Variants in FGF12 observed in about 807,000 individuals in gnomAD.
FGF12 encodes fibroblast growth factor 12, also known as fibroblast growth factor 12B.
A neutral mutation model predicts 23.6 loss-of-function variants in FGF12; 14 were observed. The observed-to-expected ratio is 0.59, with a 90% CI of 0.39 to 0.93. The LOEUF (loss-of-function observed/expected upper bound fraction) is 0.93. FGF12 is among the 40% of genes least tolerant of loss of function. The probability of loss-of-function intolerance (pLI) is 0.00; values close to 1 mark genes in which losing one functional copy is unlikely to be tolerated. For missense variants in FGF12, 175 were observed against 217.8 expected, an observed-to-expected ratio of 0.80 and a Z score of 1.24; for synonymous variants, 62 against 77.3, an observed-to-expected ratio of 0.80 and a Z score of 1.04.
chr3:192,220,931 G>T (rs1287503921), intron 4 of FGF12, among the ~76,000 whole-genome samples: 1 of 152,118 alleles, frequency 6.6e-6, no homozygotes, highest in Non-Finnish European at 1.5e-5. Flanking sequence ...TTTATTAGAT[G>T]AAATGAGACA....
chr3:192,607,622 T>C (rs966932001), intron 2 of FGF12, among the ~76,000 whole-genome samples: 1 of 152,150 alleles, frequency 6.6e-6, no homozygotes, highest in African/African-American at 2.4e-5. Context: ...TAAAAGGTTT[T>C]CTTCATTTCT....
chr3:192,291,200 T>C (rs1217521357), intron 4 of FGF12, among the ~76,000 whole-genome samples: 1 of 152,224 alleles, frequency 6.6e-6, no homozygotes, highest in Non-Finnish European at 1.5e-5. Context: ...GATATATGTG[T>C]ATATATTTTT....
At chr3:192,554,904 A>G (rs1711698036) in intron 2 of FGF12, among the ~76,000 whole-genome samples, 1 of 152,156 alleles carries the variant, frequency 6.6e-6, no homozygotes, top group African/African-American at 2.4e-5. Context: ...AAAATTTACT[A>G]GAGGGGTTCA....
At chr3:192,341,515 C>G (rs1560077397) in intron 3 of FGF12, among the ~76,000 whole-genome samples, 1 of 152,026 alleles carries the variant, frequency 6.6e-6, no homozygotes, top group African/African-American at 2.4e-5. Flanking sequence ...AAAATTTAAA[C>G]TGTTGTGGTA....
At chr3:192,421,005 T>C (rs1409228228) in intron 2 of FGF12, among the ~76,000 whole-genome samples, 1 of 152,114 alleles carries the variant, frequency 6.6e-6, no homozygotes, top group East Asian at 1.9e-4. Flanking sequence ...AATAAAATGC[T>C]ACAAAACACA....
intron 2 of FGF12, among the ~76,000 whole-genome samples, chr3:192,416,554 A>T (rs1721358441): frequency 6.6e-6 from 1 of 152,136 alleles, no homozygotes; most frequent in Non-Finnish European, 1.5e-5. Context: ...GTTTGTATGG[A>T]GGAAATACAG....
chr3:192,480,156 C>T lies in FGF12; in HGVS notation c.14-119618G>A, dbSNP rs536840741. ...AAAGAAAGGGAATTACAGAATCTAACGACAACTGAAACAATTTCAGTGCTA... is the reference window on the plus strand; with the variant it reads ...AAAGAAAGGGAATTACAGAATCTAATGACAACTGAAACAATTTCAGTGCTA... On this transcript the variant is annotated intron_variant, in intron 2 of 5. Coordinates refer to ENST00000445105, the MANE Select transcript of FGF12 (RefSeq NM_004113.6). 3.9e-5 allele frequency among the ~76,000 whole-genome samples: 6 copies of T among 152,174 alleles called. No individual in the cohort carries two copies. The South Asian group carries it at 6.2e-4, about 16-fold the overall frequency.
intron 2 of FGF12, among the ~76,000 whole-genome samples, chr3:192,705,773 C>T (rs1177506203): frequency 6.6e-6 from 1 of 152,076 alleles, no homozygotes; most frequent in Non-Finnish European, 1.5e-5. Context: ...CTTCAATATG[C>T]GACGCATGCA....
chr3:192,513,625 C>A (rs1203806821), intron 2 of FGF12, among the ~76,000 whole-genome samples: 1 of 152,076 alleles, frequency 6.6e-6, no homozygotes, highest in African/African-American at 2.4e-5. Flanking sequence ...TCAGACTCTC[C>A]AAAATAACAT....
chr3:192,272,020 G>A (rs886868368), intron 4 of FGF12, among the ~76,000 whole-genome samples: 12 of 152,210 alleles, frequency 7.9e-5, no homozygotes, highest in African/African-American at 2.9e-4. Flanking sequence ...GGTTTTCTGG[G>A]AAGACAGGAG....
chr3:192,536,883 G>A (rs182883444), intron 2 of FGF12, among the ~76,000 whole-genome samples: 7 of 150,892 alleles, frequency 4.6e-5, no homozygotes, highest in Admixed American at 6.6e-5. Flanking sequence ...TTCTGCTATC[G>A]AATACTAGAT....
At chr3:192,313,200 A>G (rs1716049379) in intron 4 of FGF12, among the ~76,000 whole-genome samples, 1 of 152,164 alleles carries the variant, frequency 6.6e-6, no homozygotes, top group Non-Finnish European at 1.5e-5. Context: ...TTCTCCCAAT[A>G]TGGGAGATGG....
chr3:192,167,209 C>G (rs1311197294), intron 5 of FGF12, among the ~76,000 whole-genome samples: 1 of 150,790 alleles, frequency 6.6e-6, no homozygotes, highest in Non-Finnish European at 1.5e-5. Flanking sequence ...TTCTTTACAC[C>G]TAAGTGTGAC....
intron 4 of FGF12, among the ~76,000 whole-genome samples, chr3:192,260,097 T>A (rs1189958072): frequency 6.6e-6 from 1 of 152,112 alleles, no homozygotes; most frequent in East Asian, 1.9e-4. Context: ...TACGATAATA[T>A]CAATAACCTC....
chr3:192,477,226 T>C (rs145107854), intron 2 of FGF12, among the ~76,000 whole-genome samples: 1 of 152,194 alleles, frequency 6.6e-6, no homozygotes, highest in Non-Finnish European at 1.5e-5. Context: ...GAATAAAGAC[T>C]GACTTTGCTT....
chr3:192,349,114 C>T (rs12108079), intron 3 of FGF12, among the ~76,000 whole-genome samples: 2,360 of 152,098 alleles, frequency 0.016, 56 homozygotes, highest in African/African-American at 0.051. Flanking sequence ...ATAATTTATA[C>T]CTTATTTAGC....
At chr3:192,278,689 A>T (rs1407873764) in intron 4 of FGF12, among the ~76,000 whole-genome samples, 1 of 152,184 alleles carries the variant, frequency 6.6e-6, no homozygotes, top group Non-Finnish European at 1.5e-5. Context: ...AAAGTGGAAA[A>T]CCAAGAGCTG....
At chr3:192,325,332 A>G (rs987485112) in intron 4 of FGF12, among the ~76,000 whole-genome samples, 1 of 152,208 alleles carries the variant, frequency 6.6e-6, no homozygotes, top group African/African-American at 2.4e-5. Flanking sequence ...AATCACGAGC[A>G]TATGAGAAGA....
chr3:192,249,211 G>A (rs988963848), intron 4 of FGF12, among the ~76,000 whole-genome samples: 2 of 152,082 alleles, frequency 1.3e-5, no homozygotes, highest in African/African-American at 4.8e-5. Flanking sequence ...TCACAAAGCA[G>A]ATGTTCATTA....
Sources: gnomAD v4.1 joint callset for allele counts (sites outside exome capture counted in the v4.1 genomes callset) on GRCh38, gnomAD v4.1.1 for gene constraint, MANE v1.5 for transcripts, NCBI Gene and HGNC (gene_info 2026-07-23, HGNC 2026-07-21) for gene names.